Variants in MINDY3 observed in about 807,000 individuals in gnomAD.
MINDY3 encodes MINDY lysine 48 deubiquitinase 3, also known as ubiquitin carboxyl-terminal hydrolase MINDY-3.
In MINDY3, 38 loss-of-function variants were observed where a neutral mutation model predicts 69.2. The observed-to-expected ratio is 0.55, with a 90% CI of 0.42 to 0.72. The LOEUF (loss-of-function observed/expected upper bound fraction) is 0.72. MINDY3 is among the 30% of genes least tolerant of loss of function. The probability of loss-of-function intolerance (pLI) is 0.00; values close to 1 mark genes in which losing one functional copy is unlikely to be tolerated. For synonymous variants in MINDY3, 192 were observed against 180.1 expected (o/e 1.07, Z -0.53); for missense variants, 522 against 519.0 (o/e 1.01, Z -0.06).
Position 15,860,497 on chromosome 10 carries a change from G to C in MINDY3, c.-198C>G. On this transcript the variant is annotated 5_prime_UTR_variant, in exon 1 of 15. Transcript: ENST00000277632. ...AGGTTGGGGCAGCAGCGAGTTTTCC[G>C]TACCGGAAGTGCTGGTGCCACTTCC... 1.7e-6 allele frequency: 1 copy of C among 596,748 alleles called. No individual in the cohort carries two copies. The highest frequency in any genetic ancestry group is 2.9e-6 in the Non-Finnish European group (1 of 339,210). 37.0% of individuals were successfully genotyped at this position (596,748 alleles called of 1,614,324 possible).
intron 11 of MINDY3, among the ~76,000 whole-genome samples, chr10:15,794,082 C>G (rs1481632823): frequency 6.6e-6 from 1 of 151,972 alleles, no homozygotes; most frequent in Non-Finnish European, 1.5e-5. Context: ...GGGGTGGGAG[C>G]TAAAAGTGAG....
intron 2 of MINDY3, among the ~76,000 whole-genome samples, chr10:15,845,958 G>T (rs559296453): frequency 6.6e-6 from 1 of 151,544 alleles, no homozygotes; most frequent in South Asian, 2.1e-4. Flanking sequence ...GAGTAGCTGG[G>T]ATTACAGGCG....
intron 11 of MINDY3, among the ~76,000 whole-genome samples, chr10:15,795,144 C>T (rs1441287271): frequency 6.6e-6 from 1 of 152,034 alleles, no homozygotes; most frequent in Non-Finnish European, 1.5e-5. Context: ...CCTTGGACAA[C>T]TGCTTGTACC....
chr10:15,798,961 CAT>C (rs1277833741), intron 10 of MINDY3, among the ~76,000 whole-genome samples: 1 of 151,448 alleles, frequency 6.6e-6, no homozygotes, highest in East Asian at 1.9e-4. Context: ...CTCTAGTTAA[CAT>C]GTGTTCATTT....
At position 15,837,327 on chromosome 10, in the gene MINDY3, A is replaced by G. The variant is rs751390196; in HGVS notation, c.462-9T>C. 29 of 1,563,040 alleles carry G rather than the reference A, an allele frequency of 1.9e-5. No individual in the cohort carries two copies. Among genetic ancestry groups the G allele is most frequent in the Non-Finnish European group, 1.3e-5 (15 of 1,147,204 alleles). Reference sequence around the variant, plus strand: ...TTCTGAACGATCTTTTTCTGGGGGAAAAAAAGAATTAAGTATTGGTATCAT... The same window carrying G: ...TTCTGAACGATCTTTTTCTGGGGGAGAAAAAGAATTAAGTATTGGTATCAT... On this transcript the variant is annotated splice_polypyrimidine_tract_variant and intron_variant, in intron 5 of 14. Transcript: ENST00000277632.
At chr10:15,841,998 T>C (rs1271314609) in intron 3 of MINDY3, among the ~76,000 whole-genome samples, 2 of 151,614 alleles carry the variant, frequency 1.3e-5, no homozygotes, top group African/African-American at 4.8e-5. Context: ...TTCCCTCACA[T>C]CTGAATTAAT....
At chr10:15,794,389 G>C (rs562400290) in intron 11 of MINDY3, among the ~76,000 whole-genome samples, 20 of 152,056 alleles carry the variant, frequency 1.3e-4, no homozygotes, top group Non-Finnish European at 1.0e-4. Flanking sequence ...ATCCTTCTTA[G>C]AGCTGACTAT....
chr10:15,826,112 AT>A (rs1264023170), intron 8 of MINDY3, among the ~76,000 whole-genome samples: 1 of 152,218 alleles, frequency 6.6e-6, no homozygotes, highest in Admixed American at 6.5e-5. Context: ...CATACATGGA[AT>A]AGTACGAAAT....
chr10:15,829,331 C>T (rs776776810), intron 8 of MINDY3, among the ~76,000 whole-genome samples: 16 of 152,106 alleles, frequency 1.1e-4, no homozygotes, highest in Admixed American at 2.6e-4. Context: ...GGTTCTTAAC[C>T]CTGACTACAC....
chr10:15,803,454 A>ATAAC (rs1363639857), intron 10 of MINDY3, among the ~76,000 whole-genome samples: 13 of 152,156 alleles, frequency 8.5e-5, no homozygotes, highest in Non-Finnish European at 1.3e-4. Context: ...CTTCAGAGGT[A>ATAAC]TAACTGCCGT....
intron 1 of MINDY3, among the ~76,000 whole-genome samples, chr10:15,855,369 T>G (rs1450420121): frequency 6.6e-6 from 1 of 152,104 alleles, no homozygotes; most frequent in African/African-American, 2.4e-5. Context: ...AGTTTGAATT[T>G]CTCAGGACAC....
At chr10:15,797,258 C>T (rs558848782) in intron 10 of MINDY3, among the ~76,000 whole-genome samples, 2 of 152,190 alleles carry the variant, frequency 1.3e-5, no homozygotes, top group Non-Finnish European at 2.9e-5. Context: ...ACAAGGCAAC[C>T]TGTGCAAGCC....
At chr10:15,791,589 T>C (rs74605863) in intron 11 of MINDY3, among the ~76,000 whole-genome samples, 5,133 of 151,946 alleles carry the variant, frequency 0.034, 273 homozygotes, top group African/African-American at 0.11. Flanking sequence ...ACGGCTAGCA[T>C]GTACATACTG....
chr10:15,845,653 C>T (rs537441816), intron 2 of MINDY3, among the ~76,000 whole-genome samples: 2 of 151,614 alleles, frequency 1.3e-5, no homozygotes, highest in African/African-American at 4.8e-5. Context: ...TGTGCACTAC[C>T]ATGTCCAGCT....
intron 6 of MINDY3, among the ~76,000 whole-genome samples, chr10:15,836,936 G>T: frequency 6.6e-6 from 1 of 151,814 alleles, no homozygotes; most frequent in Non-Finnish European, 1.5e-5. Flanking sequence ...CTACACGGAA[G>T]GATCAAAGGA....
At chr10:15,833,064 C>T (rs141680181) in intron 8 of MINDY3, among the ~76,000 whole-genome samples, 239 of 152,242 alleles carry the variant, frequency 1.6e-3, no homozygotes, top group African/African-American at 5.5e-3. Flanking sequence ...TATCAGCTCT[C>T]CTTAACGGAA....
At chr10:15,786,510 G>A (rs1417432532) in intron 13 of MINDY3, 51 bp downstream of exon 13, 1 of 1,079,846 alleles carries the variant, frequency 9.3e-7, no homozygotes, top group Admixed American at 2.0e-5. Context: ...AACAATCACA[G>A]GTAATCATCC....
chr10:15,854,064 T>A (rs1223830625), intron 1 of MINDY3, among the ~76,000 whole-genome samples: 1 of 152,162 alleles, frequency 6.6e-6, no homozygotes, highest in African/African-American at 2.4e-5. Flanking sequence ...AATCTCCAAA[T>A]CACTGATGTA....
At chr10:15,808,882 T>C (rs1057434846) in intron 10 of MINDY3, among the ~76,000 whole-genome samples, 1 of 152,136 alleles carries the variant, frequency 6.6e-6, no homozygotes, top group Admixed American at 6.6e-5. Context: ...AAGATGAAAC[T>C]AGATGCTATA....
Sources: gnomAD v4.1 joint callset for allele counts (sites outside exome capture counted in the v4.1 genomes callset) on GRCh38, gnomAD v4.1.1 for gene constraint, MANE v1.5 for transcripts, NCBI Gene and HGNC (gene_info 2026-07-23, HGNC 2026-07-21) for gene names.